Variants in ARMC2 observed in about 807,000 individuals in gnomAD.
ARMC2 encodes the protein armadillo repeat-containing protein 2.
Under a neutral mutation model 90.3 loss-of-function variants are expected in ARMC2, and 67 were observed. The ratio of observed to expected loss-of-function variants is 0.74; its 90% CI spans 0.61 to 0.91. The LOEUF (loss-of-function observed/expected upper bound fraction) is 0.91, where lower values mean the gene tolerates loss of function less well. ARMC2 is among the 40% of genes least tolerant of loss of function. ARMC2 has a pLI of 0.00. For missense variants in ARMC2, 920 were observed against 1,030.9 expected (o/e 0.89, Z 1.47); for synonymous variants, 393 against 393.0 (o/e 1.00, Z 0.00).
chr6:108,918,808 A>G (rs150846614), intron 10 of ARMC2, among the ~76,000 whole-genome samples: 122 of 152,400 alleles, frequency 8.0e-4, no homozygotes, highest in African/African-American at 2.9e-3. Flanking sequence ...TAAAGCGCCC[A>G]TAACAGGGCA....
chr6:109,028,839 A>G, the ARMC2 span, among the ~76,000 whole-genome samples: 1 of 152,172 alleles, frequency 6.6e-6, no homozygotes, highest in Non-Finnish European at 1.5e-5. Flanking sequence ...AGAAAAGAAC[A>G]ACCCCCAAAC....
chr6:109,021,385 T>C, the ARMC2 span, among the ~76,000 whole-genome samples: 1 of 152,142 alleles, frequency 6.6e-6, no homozygotes, highest in Non-Finnish European at 1.5e-5. Context: ...TTGTTTTCCA[T>C]ACAACCCTAG....
chr6:109,046,727 G>T, the ARMC2 span, among the ~76,000 whole-genome samples: 2 of 133,028 alleles, frequency 1.5e-5, no homozygotes, highest in Non-Finnish European at 3.3e-5. Context: ...GAGCGCCTCT[G>T]CCCCGCCGCC....
At chr6:108,998,547 T>G in the ARMC2 span, 3 of 1,613,946 alleles carry the variant, frequency 1.9e-6, no homozygotes, top group Non-Finnish European at 2.5e-6. Flanking sequence ...CGGCATCTCA[T>G]CCACACTGTG....
At chr6:108,931,953 C>T (rs781113054) in intron 11 of ARMC2, among the ~76,000 whole-genome samples, 3 of 151,606 alleles carry the variant, frequency 2.0e-5, no homozygotes, top group South Asian at 2.1e-4. Context: ...TTAGTAGAGA[C>T]GGGGTTTCTC....
intron 12 of ARMC2, among the ~76,000 whole-genome samples, chr6:108,938,624 G>A (rs1433665158): frequency 7.1e-5 from 2 of 28,080 alleles, no homozygotes; most frequent in African/African-American, 2.1e-4. Flanking sequence ...TTTTGCTTTG[G>A]TGCTTTGATC....
the ARMC2 span, chr6:108,988,664 T>A: frequency 1.9e-6 from 3 of 1,609,368 alleles, no homozygotes; most frequent in Non-Finnish European, 2.5e-6. Flanking sequence ...CTGGTTAATT[T>A]CACCATAGTC....
the ARMC2 span, among the ~76,000 whole-genome samples, chr6:109,046,885 G>C: frequency 8.0e-6 from 1 of 125,102 alleles, no homozygotes; most frequent in African/African-American, 2.9e-5. Context: ...CCCTCCGTCC[G>C]GCAGCTGCCC....
the ARMC2 span, chr6:108,993,102 A>T: frequency 2.0e-6 from 1 of 496,052 alleles, no homozygotes; most frequent in Non-Finnish European, 3.5e-6. Context: ...TAAAATGAAA[A>T]CTCATAGTTG....
the ARMC2 span, among the ~76,000 whole-genome samples, chr6:109,018,813 TG>T: frequency 1.3e-5 from 2 of 152,218 alleles, no homozygotes; most frequent in Non-Finnish European, 2.9e-5. Context: ...ATTTCAGGGA[TG>T]ACTTCTATAG....
intron 4 of ARMC2, among the ~76,000 whole-genome samples, chr6:108,871,992 A>C (rs1355250749): frequency 6.6e-6 from 1 of 152,234 alleles, no homozygotes; most frequent in Non-Finnish European, 1.5e-5. Flanking sequence ...TAAAGTTATA[A>C]AAAATATTTG....
intron 13 of ARMC2, among the ~76,000 whole-genome samples, chr6:108,960,222 C>T (rs184072536): frequency 3.9e-5 from 6 of 152,284 alleles, no homozygotes; most frequent in Admixed American, 2.0e-4. Context: ...GGGGACACCC[C>T]GGGTGATTCC....
chr6:109,019,371 T>TG, the ARMC2 span, among the ~76,000 whole-genome samples: 1 of 152,304 alleles, frequency 6.6e-6, no homozygotes, highest in Non-Finnish European at 1.5e-5. Flanking sequence ...AGCAGAGTGC[T>TG]GGGGGAATCT....
chr6:108,912,667 G>A lies in ARMC2; in HGVS notation c.1350+109G>A, dbSNP rs573222180. On this transcript the variant is annotated intron_variant, in intron 10 of 17. Transcript: ENST00000392644. The stretch of plus-strand genomic sequence containing the variant: ...GAGGCCCCTACAGCCAGGTGTGGGT[G>A]CCTGGCCTCCAAGGGCAGCAGCCAT... 24 of 1,009,818 alleles carry A rather than the reference G, an allele frequency of 2.4e-5. No homozygotes were observed. The South Asian group carries it at 3.6e-4, about 15-fold the overall frequency. 62.6% of individuals were successfully genotyped at this position (1,009,818 alleles called of 1,614,324 possible). A position where few individuals can be genotyped will look rare whatever the true frequency, so the allele number is the denominator to read the frequency against.
chr6:108,921,414 G>A (rs977429278), intron 10 of ARMC2, among the ~76,000 whole-genome samples: 1 of 152,190 alleles, frequency 6.6e-6, no homozygotes, highest in Non-Finnish European at 1.5e-5. Context: ...GTGCCAAGTA[G>A]GCCTGTGTAG....
the ARMC2 span, chr6:108,994,431 A>C: frequency 3.2e-6 from 5 of 1,553,082 alleles, no homozygotes; most frequent in Non-Finnish European, 4.4e-6. Flanking sequence ...GTTTGCAATA[A>C]TTATATTGAC....
chr6:108,907,727 A>T (rs1772930550), intron 8 of ARMC2: 2 of 1,609,786 alleles, frequency 1.2e-6, no homozygotes, highest in Non-Finnish European at 1.7e-6. Flanking sequence ...CTTCACATTG[A>T]TGTACTTGTA....
chr6:108,953,323 G>T lies in ARMC2; in HGVS notation c.1887G>T (p.Gly629=). ...GVGPVLAANP[G]IVGLLLTTLE... is the part of the protein sequence containing the mutation. Reference sequence around the variant, plus strand: ...GCCCGGTGCTGGCCGCCAACCCGGGGATAGTGGGCCTGCTCCTGACCACGC... The same window carrying T: ...GCCCGGTGCTGGCCGCCAACCCGGGTATAGTGGGCCTGCTCCTGACCACGC... The change falls in exon 13 of 18, where the codon GGG becomes GGT. Residue 629 remains glycine (G), a synonymous_variant. Coordinates refer to ENST00000392644, the MANE Select transcript of ARMC2 (RefSeq NM_032131.6). The T allele has an allele frequency of 6.2e-7, 1 of 1,607,838 alleles. No individual in the cohort carries two copies. The highest frequency in any genetic ancestry group is 8.5e-7 in the Non-Finnish European group (1 of 1,178,962).
intron 4 of ARMC2, among the ~76,000 whole-genome samples, chr6:108,870,109 A>G (rs888517674): frequency 6.6e-6 from 1 of 152,162 alleles, no homozygotes; most frequent in Non-Finnish European, 1.5e-5. Context: ...TTCTCCCTCC[A>G]TCAACAAGAT....
Sources: allele counts gnomAD v4.1 joint callset (sites outside exome capture counted in the v4.1 genomes callset), GRCh38; gene constraint gnomAD v4.1.1; transcripts MANE v1.5; gene names NCBI Gene and HGNC (gene_info 2026-07-23, HGNC 2026-07-21).